The following FIBCD1 variants were observed in gnomAD, a reference collection of about 807,000 sequenced individuals.
FIBCD1 encodes the protein fibrinogen C domain containing 1, also known as fibrinogen C domain-containing protein 1.
In FIBCD1, 47 loss-of-function variants were observed where a neutral mutation model predicts 45.1. That is an observed-to-expected ratio of 1.04 (90% CI 0.82 to 1.33). FIBCD1 has a LOEUF of 1.33. Among genes scored for constraint, FIBCD1 ranks in the 40% most tolerant of loss-of-function variants. The pLI is 0.00. For missense variants in FIBCD1, 653 were observed against 682.2 expected (o/e 0.96, Z 0.48); for synonymous variants, 313 against 308.1 (o/e 1.02, Z -0.17).
chr9:130,934,455 G>A (rs149240360), intron 1 of FIBCD1, among the ~76,000 whole-genome samples: 5 of 152,328 alleles, frequency 3.3e-5, no homozygotes, highest in African/African-American at 7.2e-5. Context: ...AGGGAGGGGC[G>A]CAGGAGGGGC....
At chr9:130,908,592 G>C (rs1019724722) in intron 5 of FIBCD1, among the ~76,000 whole-genome samples, 11 of 152,200 alleles carry the variant, frequency 7.2e-5, no homozygotes. Flanking sequence ...ACACACGCAG[G>C]CTTGTGACAA....
rs938506011 is a variant in FIBCD1 at position 130,922,699 on chromosome 9, G to A, written c.849+1045C>T. 6.6e-6 allele frequency among the ~76,000 whole-genome samples: 1 copy of A among 151,916 alleles called. No individual in the cohort carries two copies. Among genetic ancestry groups the A allele is most frequent in the Admixed American group, 6.6e-5 (1 of 15,250 alleles). On this transcript the variant is annotated intron_variant, in intron 4 of 6. Coordinates refer to ENST00000372338, the MANE Select transcript of FIBCD1 (RefSeq NM_032843.5). This position sits in a 1 kb window ranked among gnomAD's most constrained non-coding sequence, Gnocchi z 4.5. ...TCTCCTGAAGCACAGTCCCCATCCC[G>A]TCTTCCTCTCTTCAACACCCCCAGT... is the stretch of plus-strand genomic sequence containing the variant.
At chr9:130,924,001 G>T in intron 3 of FIBCD1, 121 bp from the exon 4 acceptor site, 1 of 1,478,260 alleles carries the variant, frequency 6.8e-7, no homozygotes, top group Non-Finnish European at 9.2e-7. Flanking sequence ...GAGAGCACTG[G>T]CCTTGGAGTC....
intron 5 of FIBCD1, among the ~76,000 whole-genome samples, chr9:130,906,142 C>G (rs1030180267): frequency 2.0e-5 from 3 of 152,076 alleles, no homozygotes; most frequent in Non-Finnish European, 4.4e-5. Context: ...TCTGTGCCCC[C>G]ATCCTACTCT....
intron 1 of FIBCD1, among the ~76,000 whole-genome samples, chr9:130,932,611 T>C (rs1220234341): frequency 6.6e-6 from 1 of 152,208 alleles, no homozygotes; most frequent in East Asian, 1.9e-4. Context: ...CAGCTAGCTG[T>C]CACTTCCTCC....
At chr9:130,911,433 C>T (rs927297959) in intron 5 of FIBCD1, among the ~76,000 whole-genome samples, 1 of 152,194 alleles carries the variant, frequency 6.6e-6, no homozygotes, top group African/African-American at 2.4e-5. Context: ...GGGCCGGGTC[C>T]TCCTCTGTCC....
intron 2 of FIBCD1, among the ~76,000 whole-genome samples, 188 bp downstream of exon 2, chr9:130,929,379 G>A (rs998939951): frequency 8.5e-5 from 13 of 152,284 alleles, no homozygotes; most frequent in Middle Eastern, 6.8e-3. Flanking sequence ...GTAGCTGTGC[G>A]GCCCTGGATG....
At chr9:130,907,308 A>T (rs1285186239) in intron 5 of FIBCD1, among the ~76,000 whole-genome samples, 4 of 152,120 alleles carry the variant, frequency 2.6e-5, no homozygotes, top group African/African-American at 4.8e-5. Flanking sequence ...TCCTTCCTCC[A>T]GTCCACGCCA....
intron 1 of FIBCD1, among the ~76,000 whole-genome samples, chr9:130,932,095 T>C (rs1412156293): frequency 2.0e-5 from 3 of 152,160 alleles, no homozygotes; most frequent in Admixed American, 6.5e-5. Context: ...ATCTCCAACA[T>C]GGGGGGACAT....
At chr9:130,933,742 T>A (rs2133124800) in intron 1 of FIBCD1, 1 of 141,250 alleles carries the variant, frequency 7.1e-6, no homozygotes, top group African/African-American at 2.6e-5. Flanking sequence ...GGGGGGCGGC[T>A]CAGGAGGAAG....
intron 1 of FIBCD1, chr9:130,933,718 G>A (rs891133269): frequency 1.3e-5 from 2 of 148,946 alleles, no homozygotes; most frequent in Admixed American, 1.3e-4. Context: ...TGGGGAAGCG[G>A]CGGGCGGGTG....
Position 130,926,239 on chromosome 9 carries a change from A to G in FIBCD1, c.553-1843T>C, listed in dbSNP as rs116109308. Among the ~76,000 whole-genome samples the G allele has an allele frequency of 1.0e-2, 1,519 of 152,342 alleles. 29 individuals are homozygous for G. The highest frequency in any genetic ancestry group is 0.034 in the African/African-American group (1,433 of 41,574). Reference sequence around the variant, plus strand: ...ATTTATCTGAGTCAACACGGCCACAACGCACTAAAAAAAACTCAGGCACGG... The same window carrying G: ...ATTTATCTGAGTCAACACGGCCACAGCGCACTAAAAAAAACTCAGGCACGG... On this transcript the variant is annotated intron_variant, in intron 2 of 6. Transcript: ENST00000372338. This position sits in a 1 kb window ranked among gnomAD's most constrained non-coding sequence, Gnocchi z 4.1.
At chr9:130,929,439 G>A in intron 2 of FIBCD1, 128 bp downstream of exon 2, 1 of 1,248,318 alleles carries the variant, frequency 8.0e-7, no homozygotes, top group Non-Finnish European at 1.1e-6. Context: ...GATGGGAACA[G>A]CAGTAGCCCC....
At chr9:130,912,038 C>T (rs1377805618) in intron 4 of FIBCD1, 150 bp from the exon 5 acceptor site, 17 of 651,288 alleles carry the variant, frequency 2.6e-5, no homozygotes, top group Middle Eastern at 4.2e-4. Context: ...CTTCCCGCAA[C>T]GGCCCCTGGC....
At chr9:130,905,527 C>T (rs1159977412) in intron 5 of FIBCD1, 114 bp from the exon 6 acceptor site, 2 of 1,126,988 alleles carry the variant, frequency 1.8e-6, no homozygotes, top group Middle Eastern at 2.2e-4. Flanking sequence ...AAGGGACAAC[C>T]ACCAAGTGCG....
At position 130,923,713 on chromosome 9, in the gene FIBCD1, C is replaced by T. The variant is rs776307340; in HGVS notation, c.849+31G>A. On this transcript the variant is annotated intron_variant, in intron 4 of 6. Transcript: ENST00000372338. ...ACAGCCTCACGGTCCCCGGTGCCTG[C>T]CCTGCCGCCCGCCCAGCCTGGGACA... 2.9e-5 allele frequency: 47 copies of T among 1,607,512 alleles called. No individual in the cohort carries two copies. In the South Asian group the frequency reaches 3.2e-4, roughly 11 times the overall value.
Position 130,923,805 on chromosome 9 carries a change from G to T in FIBCD1, c.788C>A (p.Thr263Asn), listed in dbSNP as rs1415336071. 4 of 1,612,858 alleles carry T rather than the reference G, an allele frequency of 2.5e-6. No homozygotes were observed. The highest frequency in any genetic ancestry group is 3.4e-6 in the Non-Finnish European group (4 of 1,180,014). Residue 263 changes from threonine to asparagine, a missense_variant, in exon 4 of 7, where the codon ACC (threonine) becomes AAC (asparagine). Thr to Asn is a moderately conservative substitution (Grantham distance 65). Coordinates refer to ENST00000372338, the MANE Select transcript of FIBCD1 (RefSeq NM_032843.5). The part of the protein sequence containing the change: ...QDDGVYSVFP[T>N]HYPAGFQVYC... ...CACCTGGAAGCCGGCCGGGTAGTGG[G>T]TGGGAAAGACAGAGTAGACGCCATC...
At chr9:130,934,340 A>T (rs975601965) in intron 1 of FIBCD1, among the ~76,000 whole-genome samples, 1 of 152,170 alleles carries the variant, frequency 6.6e-6, no homozygotes. Flanking sequence ...AAGACTTAGG[A>T]AGGGGGTCTG....
Position 130,902,450 on chromosome 9 carries a change from G to T in FIBCD1, c.*1614C>A. On this transcript the variant is annotated 3_prime_UTR_variant, in exon 7 of 7. Transcript: ENST00000372338. ...AGCGCTGCAGACATCTGCGCATGTGGATGACCTGGTGGCACTGGGACAGAG... is the reference window on the plus strand; with the variant it reads ...AGCGCTGCAGACATCTGCGCATGTGTATGACCTGGTGGCACTGGGACAGAG... 1 of 152,408 alleles carries T rather than the reference G, an allele frequency of 6.6e-6. No individual in the cohort carries two copies. The allele number at this position is 152,408 out of a possible 1,614,324, so 9.4% of individuals were successfully genotyped here.
Sources: allele counts gnomAD v4.1 joint callset (sites outside exome capture counted in the v4.1 genomes callset), GRCh38; gene constraint gnomAD v4.1.1; non-coding constraint Gnocchi (gnomAD v3.1); transcripts MANE v1.5; gene names NCBI Gene and HGNC (gene_info 2026-07-23, HGNC 2026-07-21).